The following OPCML variants were observed in gnomAD, a reference collection of about 807,000 sequenced individuals.
The protein encoded by OPCML is opioid-binding protein/cell adhesion molecule.
In OPCML, 13 loss-of-function variants were observed where a neutral mutation model predicts 37.8. That is an observed-to-expected ratio of 0.34 (90% CI 0.22 to 0.55). The LOEUF (loss-of-function observed/expected upper bound fraction) is 0.55, where lower values mean the gene tolerates loss of function less well. Among genes scored for constraint, OPCML ranks in the 20% least tolerant of loss-of-function variants. OPCML has a pLI of 0.91. For missense variants in OPCML, 341 were observed against 435.6 expected (o/e 0.78, Z 1.93); for synonymous variants, 176 against 168.8 (o/e 1.04, Z -0.33).
intron 1 of OPCML, among the ~76,000 whole-genome samples, chr11:133,239,789 C>T (rs1032958236): frequency 2.6e-5 from 4 of 152,074 alleles, no homozygotes; most frequent in Admixed American, 1.3e-4. Context: ...CCAGAGAAAG[C>T]GGGAGATGGA....
intron 2 of OPCML, among the ~76,000 whole-genome samples, chr11:132,784,101 A>G (rs1168435306): frequency 6.6e-6 from 1 of 152,180 alleles, no homozygotes; most frequent in Non-Finnish European, 1.5e-5. Flanking sequence ...TTGATCTGCA[A>G]CCTGTAGCAA....
At chr11:132,501,494 C>T (rs1003446947) in intron 4 of OPCML, among the ~76,000 whole-genome samples, 1 of 152,128 alleles carries the variant, frequency 6.6e-6, no homozygotes, top group Admixed American at 6.5e-5. Flanking sequence ...CTATCATTTG[C>T]CAGTTGGTCT....
chr11:132,550,197 T>C (rs2096378221), intron 3 of OPCML, among the ~76,000 whole-genome samples: 2 of 152,204 alleles, frequency 1.3e-5, no homozygotes, highest in African/African-American at 2.4e-5. Context: ...CTGAAGCTAA[T>C]GTAATCTGTG....
chr11:132,484,619 C>A lies in OPCML; in HGVS notation c.505+44442G>T, dbSNP rs376447987. On this transcript the variant is annotated intron_variant, in intron 4 of 7. Transcript: ENST00000524381. ...TGCTGCTATAAAGACACATGCACAC[C>A]TATGTTTATTGCGGCATTATTCACA... Among the ~76,000 whole-genome samples the A allele has an allele frequency of 1.1e-4, 16 of 151,934 alleles. No homozygotes were observed. The South Asian group carries it at 2.3e-3, about 22-fold the overall frequency.
intron 1 of OPCML, among the ~76,000 whole-genome samples, chr11:133,283,822 AC>A (rs1245021976): frequency 1.3e-5 from 2 of 152,028 alleles, no homozygotes; most frequent in African/African-American, 2.4e-5. Flanking sequence ...GCCTTAGAAA[AC>A]CCACTTTCTA....
intron 1 of OPCML, among the ~76,000 whole-genome samples, chr11:133,032,389 C>T (rs1002897275): frequency 6.6e-6 from 1 of 152,150 alleles, no homozygotes; most frequent in African/African-American, 2.4e-5. Context: ...TATTGGTGGG[C>T]TCAGTCTTCA....
chr11:132,726,123 C>A (rs551952786), intron 2 of OPCML, among the ~76,000 whole-genome samples: 1 of 152,302 alleles, frequency 6.6e-6, no homozygotes, highest in East Asian at 1.9e-4. Flanking sequence ...GTTGCTTATA[C>A]ATTTTTGGGT....
chr11:132,470,018 A>C (rs1457627810), intron 4 of OPCML, among the ~76,000 whole-genome samples: 1 of 151,994 alleles, frequency 6.6e-6, no homozygotes, highest in Non-Finnish European at 1.5e-5. Flanking sequence ...AGGTAGTTTA[A>C]GGCCCAGTCC....
intron 1 of OPCML, among the ~76,000 whole-genome samples, chr11:133,320,198 T>C (rs1259251375): frequency 1.3e-5 from 2 of 152,210 alleles, no homozygotes; most frequent in African/African-American, 4.8e-5. Context: ...ATTTTTCTAA[T>C]CTGATCAATA....
intron 1 of OPCML, among the ~76,000 whole-genome samples, chr11:133,485,339 CCTATATAAATAAAA>C (rs1947503924): frequency 6.6e-6 from 1 of 152,160 alleles, no homozygotes; most frequent in Non-Finnish European, 1.5e-5. Flanking sequence ...ATGCACAAAA[CCTATATAAATAAAA>C]CTACAAAAAT....
intron 2 of OPCML, among the ~76,000 whole-genome samples, chr11:132,896,156 C>A (rs766237024): frequency 6.6e-6 from 1 of 152,090 alleles, no homozygotes; most frequent in Non-Finnish European, 1.5e-5. Context: ...GCTGGAGATG[C>A]CTGATCTCCC....
chr11:132,993,894 G>A (rs1332555072), intron 1 of OPCML, among the ~76,000 whole-genome samples: 2 of 152,128 alleles, frequency 1.3e-5, no homozygotes, highest in African/African-American at 4.8e-5. Context: ...CTGGGTATGG[G>A]CAAAGGGAAG....
Position 133,348,342 on chromosome 11 carries a change from C to T in OPCML, c.61+183922G>A, listed in dbSNP as rs570201596. 3.3e-5 allele frequency among the ~76,000 whole-genome samples: 5 copies of T among 152,254 alleles called. 2 individuals carry two copies. The highest frequency in any genetic ancestry group is 1.2e-4 in the African/African-American group (5 of 41,572). ...CTGTGCCTAATTCATCTTTGAATCC[C>T]CCCAGCACCTAATGCAATGTCGTGC... is the stretch of plus-strand genomic sequence containing the variant. On this transcript the variant is annotated intron_variant, in intron 1 of 7. Transcript: ENST00000524381.
intron 3 of OPCML, among the ~76,000 whole-genome samples, chr11:132,615,413 G>T (rs1418388267): frequency 6.6e-6 from 1 of 152,130 alleles, no homozygotes; most frequent in African/African-American, 2.4e-5. Context: ...TTTCCTCAAG[G>T]CATCAAGGTG....
chr11:133,082,371 T>A, intron 1 of OPCML, among the ~76,000 whole-genome samples: 1 of 67,754 alleles, frequency 1.5e-5, no homozygotes, highest in Admixed American at 1.4e-4. Flanking sequence ...CGCCGTCCCC[T>A]CCCCACCCTC....
At chr11:132,594,312 A>T (rs1252627613) in intron 3 of OPCML, among the ~76,000 whole-genome samples, 1 of 152,226 alleles carries the variant, frequency 6.6e-6, no homozygotes, top group Non-Finnish European at 1.5e-5. Context: ...ATTTTTAAAT[A>T]ATAACATGCA....
intron 2 of OPCML, among the ~76,000 whole-genome samples, chr11:132,937,632 G>A (rs2136656872): frequency 6.8e-6 from 1 of 147,206 alleles, no homozygotes; most frequent in South Asian, 2.2e-4. Flanking sequence ...GTGTGTGTGT[G>A]TGTGCTGGGG....
chr11:132,996,472 A>G (rs998269461), intron 1 of OPCML, among the ~76,000 whole-genome samples: 8 of 148,928 alleles, frequency 5.4e-5, no homozygotes, highest in South Asian at 2.1e-4. Context: ...AAAAAAAAAT[A>G]CAAAAATTAG....
chr11:132,985,741 A>G (rs1269979811), intron 1 of OPCML, among the ~76,000 whole-genome samples: 1 of 152,184 alleles, frequency 6.6e-6, no homozygotes, highest in Non-Finnish European at 1.5e-5. Context: ...GGGTACCTGC[A>G]CTAGGTCCAT....
Sources: allele counts gnomAD v4.1 joint callset (sites outside exome capture counted in the v4.1 genomes callset), GRCh38; gene constraint gnomAD v4.1.1; transcripts MANE v1.5; gene names NCBI Gene and HGNC (gene_info 2026-07-23, HGNC 2026-07-21).